The following TSPAN5 variants were observed in gnomAD, a reference collection of about 807,000 sequenced individuals.
The protein encoded by TSPAN5 is tetraspanin 5.
A neutral mutation model predicts 37.1 loss-of-function variants in TSPAN5; 10 were observed. The ratio of observed to expected loss-of-function variants is 0.27; its 90% CI spans 0.17 to 0.46. The LOEUF is 0.46. TSPAN5 is among the 20% of genes least tolerant of loss of function. The pLI is 1.00. For missense variants in TSPAN5, 195 were observed against 326.6 expected (o/e 0.60, Z 3.11); for synonymous variants, 110 against 118.9 (o/e 0.93, Z 0.48).
intron 3 of TSPAN5, chr4:98,484,600 T>C (rs954676347): frequency 1.1e-5 from 5 of 455,022 alleles, no homozygotes; most frequent in Admixed American, 7.1e-5. Context: ...ACTCTTCAAC[T>C]GTAAGAAATG....
At chr4:98,544,875 A>T (rs1754433757) in intron 1 of TSPAN5, among the ~76,000 whole-genome samples, 3 of 152,232 alleles carry the variant, frequency 2.0e-5, no homozygotes. Context: ...ATTCAAAGAA[A>T]ACATCTATGT....
chr4:98,508,866 G>T (rs1253270920), intron 1 of TSPAN5, among the ~76,000 whole-genome samples: 3 of 152,078 alleles, frequency 2.0e-5, no homozygotes, highest in Non-Finnish European at 4.4e-5. Context: ...TATTCCATCT[G>T]CTATAAGATA....
chr4:98,585,306 T>C (rs1755462047), intron 1 of TSPAN5, among the ~76,000 whole-genome samples: 1 of 151,368 alleles, frequency 6.6e-6, no homozygotes, highest in Admixed American at 6.6e-5. Context: ...ATGTCTATTA[T>C]TCCACTCTCT....
intron 2 of TSPAN5, among the ~76,000 whole-genome samples, chr4:98,489,920 TACC>T (rs1396851047): frequency 1.3e-5 from 2 of 152,096 alleles, no homozygotes; most frequent in Admixed American, 6.5e-5. Context: ...CCGGTAACAA[TACC>T]ACCAAGTCTG....
intron 1 of TSPAN5, among the ~76,000 whole-genome samples, chr4:98,573,647 T>G (rs1249419403): frequency 6.6e-6 from 1 of 152,270 alleles, no homozygotes; most frequent in Admixed American, 6.5e-5. Flanking sequence ...AATACTATTT[T>G]GATTTATGAG....
intron 1 of TSPAN5, among the ~76,000 whole-genome samples, chr4:98,638,914 G>A (rs114588843): frequency 9.8e-4 from 150 of 152,314 alleles, no homozygotes; most frequent in African/African-American, 3.4e-3. Flanking sequence ...TGCAGTGAGC[G>A]TGCATCCAGC....
intron 1 of TSPAN5, among the ~76,000 whole-genome samples, chr4:98,619,815 TGGCGAG>T (rs913160719): frequency 5.3e-5 from 8 of 152,194 alleles, no homozygotes; most frequent in African/African-American, 9.7e-5. Context: ...ATTCAGCGTC[TGGCGAG>T]GCTCATCTCT....
intron 1 of TSPAN5, among the ~76,000 whole-genome samples, chr4:98,555,534 CT>C (rs949672431): frequency 3.3e-4 from 50 of 152,146 alleles, no homozygotes; most frequent in African/African-American, 1.2e-3. Context: ...GCTGTCTCCC[CT>C]AGTAGGCTGT....
intron 2 of TSPAN5, among the ~76,000 whole-genome samples, chr4:98,494,334 G>T (rs994344776): frequency 2.6e-5 from 4 of 151,964 alleles, no homozygotes; most frequent in Non-Finnish European, 5.9e-5. Flanking sequence ...AGAAAGTGGG[G>T]TAGCCTGGAC....
At chr4:98,582,922 G>C (rs1385373929) in intron 1 of TSPAN5, among the ~76,000 whole-genome samples, 1 of 152,212 alleles carries the variant, frequency 6.6e-6, no homozygotes, top group Non-Finnish European at 1.5e-5. Flanking sequence ...GCTGTTATGA[G>C]TTGTGAATTC....
In TSPAN5 at chr4:98,568,014, G is replaced by T. The variant is rs185258065; in HGVS notation, c.82-60286C>A. ...GAAAGGACTAAATGAAATAATACAT[G>T]CACACTGCTTGGGCTCAATATATGA... On this transcript the variant is annotated intron_variant, in intron 1 of 7. Transcript: ENST00000305798. Among the ~76,000 whole-genome samples the T allele has an allele frequency of 6.9e-4, 105 of 152,180 alleles. 1 individual carries two copies. In the East Asian group the frequency reaches 8.5e-3, roughly 12 times the overall value.
At chr4:98,536,887 T>C (rs1255492010) in intron 1 of TSPAN5, among the ~76,000 whole-genome samples, 1 of 152,186 alleles carries the variant, frequency 6.6e-6, no homozygotes, top group African/African-American at 2.4e-5. Context: ...ACTGCTGCCG[T>C]GCTGGCAGCG....
At chr4:98,529,968 A>G (rs1241204044) in intron 1 of TSPAN5, among the ~76,000 whole-genome samples, 2 of 152,272 alleles carry the variant, frequency 1.3e-5, no homozygotes, top group Admixed American at 1.3e-4. Flanking sequence ...ATAGAAGCAC[A>G]AAACCCAGCT....
intron 1 of TSPAN5, among the ~76,000 whole-genome samples, chr4:98,629,372 T>C (rs560224454): frequency 7.2e-5 from 11 of 152,202 alleles, no homozygotes; most frequent in Non-Finnish European, 1.3e-4. Flanking sequence ...AAAGGGTTAC[T>C]GGGAGGATTA....
At chr4:98,607,538 G>C (rs546589775) in intron 1 of TSPAN5, among the ~76,000 whole-genome samples, 5 of 152,222 alleles carry the variant, frequency 3.3e-5, no homozygotes, top group African/African-American at 1.2e-4. Context: ...AGTAGCCTAA[G>C]TTATTTGGCA....
At chr4:98,551,487 CT>C (rs1754613883) in intron 1 of TSPAN5, among the ~76,000 whole-genome samples, 3 of 85,222 alleles carry the variant, frequency 3.5e-5, no homozygotes, top group Non-Finnish European at 6.1e-5. Context: ...TTTCCTTTTT[CT>C]TTTCTTTTTT....
chr4:98,499,252 T>TGGGCAG (rs1161842041), intron 2 of TSPAN5, among the ~76,000 whole-genome samples: 1 of 152,250 alleles, frequency 6.6e-6, no homozygotes, highest in African/African-American at 2.4e-5. Context: ...CAGAGGCATC[T>TGGGCAG]GGGCAGGGCC....
intron 2 of TSPAN5, 88 bp downstream of exon 2, chr4:98,507,590 G>A (rs1753506780): frequency 1.0e-6 from 1 of 958,762 alleles, no homozygotes. Context: ...ATACTCTGTG[G>A]TTGTCAAAGA....
chr4:98,514,603 C>A (rs1753689010), intron 1 of TSPAN5, among the ~76,000 whole-genome samples: 1 of 152,172 alleles, frequency 6.6e-6, no homozygotes, highest in East Asian at 1.9e-4. Context: ...GGACATGTCC[C>A]ATCCAGCCAG....
Sources: gnomAD v4.1 joint callset for allele counts (sites outside exome capture counted in the v4.1 genomes callset) on GRCh38, gnomAD v4.1.1 for gene constraint, MANE v1.5 for transcripts, NCBI Gene and HGNC (gene_info 2026-07-23, HGNC 2026-07-21) for gene names.